Variants in WDR48 observed in about 807,000 individuals in gnomAD.
WDR48 encodes WD repeat domain 48, also known as WD repeat-containing protein 48.
In WDR48, 22 loss-of-function variants were observed where a neutral mutation model predicts 94.0. The observed-to-expected ratio is 0.23, with a 90% confidence interval of 0.17 to 0.33. WDR48 has a LOEUF of 0.33. WDR48 is among the 10% of genes least tolerant of loss of function. The pLI, the probability that WDR48 is intolerant of heterozygous loss-of-function variation, is 1.00. For missense variants in WDR48, 541 were observed against 813.8 expected (o/e 0.66, Z 4.08); for synonymous variants, 278 against 280.5 (o/e 0.99, Z 0.09).
chr3:39,079,689 T>C (rs2034419767), intron 10 of WDR48, 22 bp from the exon 11 acceptor site: 1 of 1,454,896 alleles, frequency 6.9e-7, no homozygotes, highest in Admixed American at 2.5e-5. Context: ...GTTTTACCAA[T>C]TGTGTTTTTT....
At chr3:39,066,691 G>A (rs1486994062) in intron 4 of WDR48, 55 bp from the exon 5 acceptor site, 3 of 1,613,208 alleles carry the variant, frequency 1.9e-6, no homozygotes, top group Admixed American at 1.7e-5. Context: ...ACTTTGTGTG[G>A]CTCATTTTAT....
intron 7 of WDR48, among the ~76,000 whole-genome samples, chr3:39,072,445 T>C (rs1013735182): frequency 3.3e-5 from 5 of 152,188 alleles, no homozygotes; most frequent in South Asian, 4.1e-4. Context: ...AGGCCACTTA[T>C]TGCCCCAGCT....
chr3:39,084,090 G>A (rs2034680857), intron 11 of WDR48, 65 bp from the exon 12 acceptor site: 2 of 1,274,336 alleles, frequency 1.6e-6, no homozygotes, highest in South Asian at 1.7e-5. Context: ...ATTTTGAATA[G>A]CAAAGTCAGA....
At chr3:39,081,550 T>G (rs1337674705) in intron 11 of WDR48, among the ~76,000 whole-genome samples, 1 of 152,170 alleles carries the variant, frequency 6.6e-6, no homozygotes, top group Non-Finnish European at 1.5e-5. Flanking sequence ...AGGGTTCTCT[T>G]GGGGACTGGC....
chr3:39,085,722 A>G lies in WDR48; in HGVS notation c.1474+112A>G. The G allele has an allele frequency of 3.5e-6, 3 of 854,490 alleles. No individual in the cohort carries two copies. The Admixed American group carries it at 7.6e-5, about 22-fold the overall frequency. The allele number at this position is 854,490 out of a possible 1,614,324, so 52.9% of individuals were successfully genotyped here. ...TAGCTAAAATATTTGTGGTGTACTCAGTTTATTGTCCTCTCTTCCATATCT... is the reference window on the plus strand; with the variant it reads ...TAGCTAAAATATTTGTGGTGTACTCGGTTTATTGTCCTCTCTTCCATATCT... On this transcript the variant is annotated intron_variant, in intron 14 of 18. Coordinates refer to ENST00000302313, the MANE Select transcript of WDR48 (RefSeq NM_020839.4).
At chr3:39,060,492 G>GT (rs2125637884) in intron 1 of WDR48, among the ~76,000 whole-genome samples, 1 of 151,824 alleles carries the variant, frequency 6.6e-6, no homozygotes, top group South Asian at 2.1e-4. Context: ...TATTTGGGTT[G>GT]TTTCCACTTT....
At chr3:39,069,550 A>G (rs1422580270) in intron 6 of WDR48, 93 bp from the exon 7 acceptor site, 1 of 1,132,616 alleles carries the variant, frequency 8.8e-7, no homozygotes, top group East Asian at 2.5e-5. Flanking sequence ...TTCTCAGAAT[A>G]TAATGGTTAT....
chr3:39,088,888 T>G (rs7652735), intron 15 of WDR48, among the ~76,000 whole-genome samples: 1,548 of 152,352 alleles, frequency 0.01, 31 homozygotes, highest in African/African-American at 0.036. Context: ...AGAAATATTC[T>G]GACTTCCACT....
At chr3:39,094,148 TCTA>T (rs1405411657) in intron 18 of WDR48, 82 bp downstream of exon 18, 8 of 1,519,868 alleles carry the variant, frequency 5.3e-6, no homozygotes, top group Non-Finnish European at 7.0e-6. Context: ...GTGGGGGGCT[TCTA>T]CTTTTAGAGG....
At chr3:39,067,176 T>G (rs2033659809) in intron 5 of WDR48, among the ~76,000 whole-genome samples, 1 of 151,648 alleles carries the variant, frequency 6.6e-6, no homozygotes, top group Non-Finnish European at 1.5e-5. Flanking sequence ...TCTTACTACT[T>G]CGTATCTCCC....
In WDR48 at chr3:39,057,526, G is replaced by A. The variant is rs139479288; in HGVS notation, c.48+5453G>A. Among the ~76,000 whole-genome samples the A allele has an allele frequency of 2.6e-3, 394 of 152,320 alleles. 2 individuals are homozygous for A. Among genetic ancestry groups the A allele is most frequent in the Middle Eastern group, 6.8e-3 (2 of 294 alleles). Reference sequence around the variant, plus strand: ...TTTTAAAAACTAAGTAATACATGTTGTTTGTAAAACATTCAGAACACATGA... The same window carrying A: ...TTTTAAAAACTAAGTAATACATGTTATTTGTAAAACATTCAGAACACATGA... On this transcript the variant is annotated intron_variant, in intron 1 of 18. Coordinates refer to ENST00000302313, the MANE Select transcript of WDR48 (RefSeq NM_020839.4).
chr3:39,093,869 T>A lies in WDR48; in HGVS notation c.1746-5T>A. 1 of 1,545,324 alleles carries A rather than the reference T, an allele frequency of 6.5e-7. No individual in the cohort carries two copies. Among genetic ancestry groups the A allele is most frequent in the Non-Finnish European group, 8.7e-7 (1 of 1,148,418 alleles). ...ATGTCACAATATGCCATTGCTTTTT[T>A]ACAGAGATAGACTCTCTGCTAGTGA... On this transcript the variant is annotated splice_polypyrimidine_tract_variant and splice_region_variant and intron_variant, in intron 17 of 18. Transcript: ENST00000302313.
intron 1 of WDR48, among the ~76,000 whole-genome samples, chr3:39,061,750 C>T (rs975056879): frequency 6.6e-6 from 1 of 152,200 alleles, no homozygotes; most frequent in Non-Finnish European, 1.5e-5. Context: ...TCCACATCCT[C>T]TCCAGCATCT....
intron 1 of WDR48, among the ~76,000 whole-genome samples, chr3:39,057,784 G>A (rs1407140760): frequency 6.6e-6 from 1 of 151,992 alleles, no homozygotes; most frequent in Non-Finnish European, 1.5e-5. Context: ...CACCACACCC[G>A]TCTAATTTTT....
intron 14 of WDR48, 45 bp downstream of exon 14, chr3:39,085,655 T>C: frequency 6.6e-7 from 1 of 1,523,980 alleles, no homozygotes; most frequent in Non-Finnish European, 9.0e-7. Context: ...TTAGAGGTAC[T>C]TACTTAAAAG....
chr3:39,059,074 C>CAAAAAAA (rs1178955423), intron 1 of WDR48, among the ~76,000 whole-genome samples: 5 of 69,690 alleles, frequency 7.2e-5, no homozygotes, highest in Non-Finnish European at 1.1e-4. Flanking sequence ...GACTCCGTCT[C>CAAAAAAA]AAAAAAAAAA....
chr3:39,054,691 G>T (rs1368030912), intron 1 of WDR48, among the ~76,000 whole-genome samples: 2 of 152,158 alleles, frequency 1.3e-5, no homozygotes, highest in African/African-American at 2.4e-5. Context: ...AGCCATTCTT[G>T]AATTGCTATA....
At chr3:39,091,838 C>T (rs1220799122) in intron 17 of WDR48, 137 bp downstream of exon 17, 1 of 766,104 alleles carries the variant, frequency 1.3e-6, no homozygotes, top group African/African-American at 1.9e-5. Flanking sequence ...TACAATTAAA[C>T]CACTTACCAG....
chr3:39,080,943 G>C (rs1470029448), intron 11 of WDR48, among the ~76,000 whole-genome samples: 1 of 152,166 alleles, frequency 6.6e-6, no homozygotes, highest in African/African-American at 2.4e-5. Context: ...ATGACATTTA[G>C]GTCATTTCCC....
Sources: gnomAD v4.1 joint callset for allele counts (sites outside exome capture counted in the v4.1 genomes callset) on GRCh38, gnomAD v4.1.1 for gene constraint, MANE v1.5 for transcripts, NCBI Gene and HGNC (gene_info 2026-07-23, HGNC 2026-07-21) for gene names.